MAPRE3: variants seen among roughly 807,000 people sequenced by gnomAD.
MAPRE3 encodes the protein microtubule-associated protein RP/EB family member 3.
Under a neutral mutation model 30.5 loss-of-function variants are expected in MAPRE3, and 2 were observed. The ratio of observed to expected loss-of-function variants is 0.07; its 90% CI spans 0.03 to 0.21. The LOEUF is 0.21. Among genes scored for constraint, MAPRE3 ranks in the 10% least tolerant of loss-of-function variants. The pLI is 1.00. For missense variants in MAPRE3, 204 were observed against 351.8 expected (o/e 0.58, Z 3.36); for synonymous variants, 110 against 127.7 (o/e 0.86, Z 0.93).
intron 1 of MAPRE3, among the ~76,000 whole-genome samples, chr2:26,972,536 T>G (rs1242983675): frequency 1.3e-5 from 2 of 152,220 alleles, no homozygotes; most frequent in African/African-American, 4.8e-5. Context: ...TGCACCTGCC[T>G]GTGGTGCAGT....
chr2:27,023,206 A>C, intron 2 of MAPRE3, 126 bp from the exon 3 acceptor site: 1 of 1,011,924 alleles, frequency 9.9e-7, no homozygotes, highest in Non-Finnish European at 1.4e-6. Flanking sequence ...GTCTATCCTG[A>C]AAGTAGGACT....
Position 27,026,269 on chromosome 2 carries a change from C to A in MAPRE3, c.778-11C>A. Reference sequence around the variant, plus strand: ...CTGGCCCACCACTTTCCTCTCTCTCCCACCCTCCAGGAAGGATTCGCACCC... The same window carrying A: ...CTGGCCCACCACTTTCCTCTCTCTCACACCCTCCAGGAAGGATTCGCACCC... On this transcript the variant is annotated splice_polypyrimidine_tract_variant and intron_variant, in intron 6 of 6. Transcript: ENST00000233121. 6.2e-7 allele frequency: 1 copy of A among 1,610,008 alleles called. No individual in the cohort carries two copies. The highest frequency in any genetic ancestry group is 8.5e-7 in the Non-Finnish European group (1 of 1,178,182).
chr2:27,024,817 G>A (rs1019127703), intron 4 of MAPRE3, among the ~76,000 whole-genome samples: 1 of 152,180 alleles, frequency 6.6e-6, no homozygotes, highest in Non-Finnish European at 1.5e-5. Flanking sequence ...GAGGGGAAGG[G>A]AGAAAAGCAA....
At chr2:26,997,644 G>T (rs184690345) in intron 1 of MAPRE3, among the ~76,000 whole-genome samples, 1 of 152,282 alleles carries the variant, frequency 6.6e-6, no homozygotes, top group African/African-American at 2.4e-5. Context: ...CCACGGACCC[G>T]TACTAGTCCA....
At chr2:27,018,755 C>T (rs1667042871) in intron 1 of MAPRE3, among the ~76,000 whole-genome samples, 1 of 152,148 alleles carries the variant, frequency 6.6e-6, no homozygotes, top group African/African-American at 2.4e-5. Context: ...ACTCCCCTGA[C>T]TCCAGTCTGC....
intron 1 of MAPRE3, among the ~76,000 whole-genome samples, chr2:27,007,614 A>C (rs1666759722): frequency 6.6e-6 from 1 of 152,230 alleles, no homozygotes; most frequent in Non-Finnish European, 1.5e-5. Context: ...TCCACATGTC[A>C]AACAACAGTA....
chr2:26,970,928 C>G (rs1407337051), intron 1 of MAPRE3, 126 bp downstream of exon 1: 1 of 151,292 alleles, frequency 6.6e-6, no homozygotes, highest in Non-Finnish European at 1.5e-5. Context: ...GCATCCCGAC[C>G]GCGCCTTCCC....
intron 1 of MAPRE3, among the ~76,000 whole-genome samples, chr2:26,999,482 T>G (rs1038193504): frequency 8.7e-6 from 1 of 115,430 alleles, no homozygotes; most frequent in African/African-American, 3.3e-5. Context: ...CTTTCTTTCC[T>G]TCTTTCTTTT....
chr2:26,995,299 G>T (rs1162407037), intron 1 of MAPRE3, among the ~76,000 whole-genome samples: 2 of 152,132 alleles, frequency 1.3e-5, no homozygotes, highest in Non-Finnish European at 2.9e-5. Flanking sequence ...TCCTGGTTTT[G>T]CTGCAGTCCT....
rs1308222137 is a variant in MAPRE3 at position 26,986,907 on chromosome 2, G to A, written c.-8+16105G>A. On this transcript the variant is annotated intron_variant, in intron 1 of 6. Transcript: ENST00000233121. The surrounding 1 kb of genome is among the most constrained non-coding windows in gnomAD (Gnocchi z 4.2). ...AAGATGGAAATGGTGCTTGTGGAGT[G>A]TTGGTTGGAGGGAGAGTGGGAAGCT... The A allele has an allele frequency of 1.3e-5, 2 of 152,432 alleles. No individual in the cohort carries two copies. The highest frequency in any genetic ancestry group is 2.9e-5 in the Non-Finnish European group (2 of 68,180). The allele number at this position is 152,432 out of a possible 1,614,324, so 9.4% of individuals were successfully genotyped here. A position where few individuals can be genotyped will look rare whatever the true frequency, so the allele number is the denominator to read the frequency against.
At position 27,026,782 on chromosome 2, in the gene MAPRE3, C is replaced by T. The variant is rs10165734; in HGVS notation, c.*434C>T. The T allele has an allele frequency of 2.7e-3, 438 of 159,812 alleles. 4 individuals are homozygous for T. Among genetic ancestry groups the T allele is most frequent in the African/African-American group, 9.5e-3 (397 of 41,766 alleles). 9.9% of individuals were successfully genotyped at this position (159,812 alleles called of 1,614,324 possible). ...ACGGGCTCCGGCGCAGTGTGCCTGGCTTGGCTTCCCTTCCCCATGGCTGGG... is the reference window on the plus strand; with the variant it reads ...ACGGGCTCCGGCGCAGTGTGCCTGGTTTGGCTTCCCTTCCCCATGGCTGGG... On this transcript the variant is annotated 3_prime_UTR_variant, in exon 7 of 7. Transcript: ENST00000233121.
chr2:27,008,908 G>A (rs1379339788), intron 1 of MAPRE3, among the ~76,000 whole-genome samples: 1 of 152,168 alleles, frequency 6.6e-6, no homozygotes, highest in Non-Finnish European at 1.5e-5. Flanking sequence ...CAACTTGGAT[G>A]GAAGTTAAAG....
chr2:27,024,886 G>A (rs984363158), intron 4 of MAPRE3, among the ~76,000 whole-genome samples: 8 of 152,146 alleles, frequency 5.3e-5, no homozygotes, highest in African/African-American at 7.2e-5. Context: ...GCCCCAGCCC[G>A]CGTCGGACCC....
Position 27,026,648 on chromosome 2 carries a change from G to T in MAPRE3, c.*300G>T. ...GTGCTGCTGCCACCCGCCCCAGCCAGCCACCTGCTCCTGACAGCCAGCAGC... is the reference window on the plus strand; with the variant it reads ...GTGCTGCTGCCACCCGCCCCAGCCATCCACCTGCTCCTGACAGCCAGCAGC... On this transcript the variant is annotated 3_prime_UTR_variant, in exon 7 of 7. Coordinates refer to ENST00000233121, the MANE Select transcript of MAPRE3 (RefSeq NM_012326.4). 14 of 351,746 alleles carry T rather than the reference G, an allele frequency of 4.0e-5. No homozygotes were observed. Among genetic ancestry groups the T allele is most frequent in the South Asian group, 7.8e-5 (1 of 12,786 alleles). The allele number at this position is 351,746 out of a possible 1,614,324, so 21.8% of individuals were successfully genotyped here.
chr2:26,980,134 C>A (rs2148197890), intron 1 of MAPRE3, among the ~76,000 whole-genome samples: 1 of 152,240 alleles, frequency 6.6e-6, no homozygotes, highest in South Asian at 2.1e-4. Flanking sequence ...GATTCAGCAG[C>A]AAGGGAAGAG....
In MAPRE3 at chr2:27,024,311, G is replaced by A. The variant is rs1200677558; in HGVS notation, c.469+14G>A. 2 of 1,610,722 alleles carry A rather than the reference G, an allele frequency of 1.2e-6. No homozygotes were observed. Among genetic ancestry groups the A allele is most frequent in the Non-Finnish European group, 8.5e-7 (1 of 1,178,062 alleles). On this transcript the variant is annotated intron_variant, in intron 4 of 6. Coordinates refer to ENST00000233121, the MANE Select transcript of MAPRE3 (RefSeq NM_012326.4). ...TTGGCACAGCAGGTAACGTGCCCGA[G>A]CCGGGGGAGGGAGCGTGGGGGGCCG...
intron 1 of MAPRE3, among the ~76,000 whole-genome samples, chr2:26,971,292 G>A (rs554311874): frequency 6.6e-6 from 1 of 152,252 alleles, no homozygotes; most frequent in African/African-American, 2.4e-5. Context: ...CAGCCTGGGG[G>A]CCTCGGGTTT....
intron 2 of MAPRE3, 137 bp downstream of exon 2, chr2:27,022,476 G>A: frequency 8.7e-7 from 1 of 1,152,872 alleles, no homozygotes; most frequent in Non-Finnish European, 1.2e-6. Context: ...TGCATCCTTA[G>A]GCGATGTTGT....
intron 1 of MAPRE3, among the ~76,000 whole-genome samples, chr2:26,996,452 A>G (rs1666461405): frequency 1.3e-5 from 2 of 152,248 alleles, no homozygotes; most frequent in Admixed American, 1.3e-4. Flanking sequence ...CATCACACCC[A>G]GCCAACAGGA....
Sources: allele counts gnomAD v4.1 joint callset (sites outside exome capture counted in the v4.1 genomes callset), GRCh38; gene constraint gnomAD v4.1.1; non-coding constraint Gnocchi (gnomAD v3.1); transcripts MANE v1.5; gene names NCBI Gene and HGNC (gene_info 2026-07-23, HGNC 2026-07-21).